GHR: variants seen among roughly 807,000 people sequenced by gnomAD.
GHR encodes the protein growth hormone receptor.
GHR carries 35 observed loss-of-function variants against 67.1 expected under a neutral mutation model. The observed-to-expected ratio is 0.52, with a 90% CI of 0.40 to 0.69. GHR has a LOEUF of 0.69. GHR is among the 30% of genes least tolerant of loss of function. The probability of loss-of-function intolerance (pLI) is 0.00; values close to 1 mark genes in which losing one functional copy is unlikely to be tolerated. For missense variants in GHR, 792 were observed against 764.6 expected (o/e 1.04, Z -0.42); for synonymous variants, 272 against 269.1 (o/e 1.01, Z -0.10).
intron 3 of GHR, among the ~76,000 whole-genome samples, chr5:42,647,472 G>A: frequency 6.6e-6 from 1 of 151,760 alleles, no homozygotes; most frequent in Non-Finnish European, 1.5e-5. Flanking sequence ...TACTCTGGAG[G>A]CTGAGGCAGG....
intron 1 of GHR, among the ~76,000 whole-genome samples, chr5:42,477,830 G>T (rs892648482): frequency 6.6e-6 from 1 of 152,076 alleles, no homozygotes; most frequent in Admixed American, 6.5e-5. Context: ...CCATTCTGTA[G>T]GTTGCCTGTT....
intron 2 of GHR, among the ~76,000 whole-genome samples, chr5:42,567,878 T>A (rs1000046926): frequency 6.6e-6 from 1 of 151,664 alleles, no homozygotes; most frequent in Non-Finnish European, 1.5e-5. Context: ...CTGCATAACA[T>A]GACATGGGTC....
At chr5:42,544,380 G>A (rs1335517045) in intron 1 of GHR, among the ~76,000 whole-genome samples, 1 of 152,156 alleles carries the variant, frequency 6.6e-6, no homozygotes, top group African/African-American at 2.4e-5. Context: ...ACATTTTGCT[G>A]ACAATTGTTA....
At chr5:42,451,137 TA>T (rs1234379771) in intron 1 of GHR, among the ~76,000 whole-genome samples, 1 of 152,194 alleles carries the variant, frequency 6.6e-6, no homozygotes, top group Non-Finnish European at 1.5e-5. Context: ...AAGTACCTAT[TA>T]AGTCAATTTG....
intron 2 of GHR, among the ~76,000 whole-genome samples, chr5:42,593,189 T>G (rs2112602216): frequency 6.6e-6 from 1 of 152,378 alleles, no homozygotes; most frequent in Admixed American, 6.5e-5. Flanking sequence ...CTTATCATTT[T>G]CTTGGATGCA....
At chr5:42,550,751 C>T (rs1454801984) in intron 1 of GHR, among the ~76,000 whole-genome samples, 1 of 152,032 alleles carries the variant, frequency 6.6e-6, no homozygotes, top group Admixed American at 6.6e-5. Flanking sequence ...TGTGGGAAGC[C>T]GAGTTCTGCC....
intron 1 of GHR, among the ~76,000 whole-genome samples, chr5:42,544,624 G>A (rs796690876): frequency 3.9e-5 from 6 of 152,216 alleles, no homozygotes; most frequent in African/African-American, 1.2e-4. Context: ...AACTAGAAGC[G>A]ATCTATATCA....
chr5:42,487,465 C>T (rs1245022676), intron 1 of GHR, among the ~76,000 whole-genome samples: 1 of 152,160 alleles, frequency 6.6e-6, no homozygotes, highest in East Asian at 1.9e-4. Context: ...AAAGATTATA[C>T]TTAGCTGTCA....
intron 8 of GHR, among the ~76,000 whole-genome samples, chr5:42,715,680 T>C (rs1031851483): frequency 1.3e-5 from 2 of 152,218 alleles, no homozygotes; most frequent in Admixed American, 6.5e-5. Flanking sequence ...CATATTTTGT[T>C]ATTTTATTTT....
At position 42,699,856 on chromosome 5, in the gene GHR, A is replaced by T. The variant is rs1219884219; in HGVS notation, c.472A>T (p.Thr158Ser). ...AGATCCACCCATTGCCCTCAACTGG[A>T]CTTTACTGAACGTCAGTTTAACTGG... ...QPDPPIALNW[T>S]LLNVSLTGIH... The change falls in exon 6 of 10, where the codon ACT becomes TCT. Residue 158 changes from threonine to serine, a missense_variant. Transcript: ENST00000230882. 6.2e-7 allele frequency: 1 copy of T among 1,611,612 alleles called. No individual in the cohort carries two copies. Among genetic ancestry groups the T allele is most frequent in the Non-Finnish European group, 8.5e-7 (1 of 1,177,788 alleles).
intron 2 of GHR, among the ~76,000 whole-genome samples, chr5:42,578,058 C>CA (rs1750861242): frequency 6.6e-6 from 1 of 152,130 alleles, no homozygotes; most frequent in Admixed American, 6.6e-5. Context: ...TCAACCTTGG[C>CA]ACTATTGAGA....
At chr5:42,643,182 G>T (rs757301849) in intron 3 of GHR, among the ~76,000 whole-genome samples, 3 of 152,174 alleles carry the variant, frequency 2.0e-5, no homozygotes, top group African/African-American at 7.2e-5. Flanking sequence ...TATAAAGAAT[G>T]TTGGCTTAAC....
chr5:42,513,762 A>G lies in GHR; in HGVS notation c.-11-52102A>G, dbSNP rs1747123686. ...GCGCCATTGCACTCCAGTCTGGGCA[A>G]CAAAAGCAAAACTCCGTCTCAAAAA... On this transcript the variant is annotated intron_variant, in intron 1 of 9. Coordinates refer to ENST00000230882, the MANE Select transcript of GHR (RefSeq NM_000163.5). Among the ~76,000 whole-genome samples the G allele has an allele frequency of 2.0e-5, 3 of 152,098 alleles. No individual in the cohort carries two copies. In the South Asian group the frequency reaches 6.2e-4, roughly 32 times the overall value.
intron 3 of GHR, among the ~76,000 whole-genome samples, chr5:42,676,920 C>G (rs1258501429): frequency 2.6e-5 from 4 of 152,076 alleles, no homozygotes; most frequent in African/African-American, 9.7e-5. Flanking sequence ...GGGTTCCTTC[C>G]TCTCAACCTA....
chr5:42,489,600 G>T (rs1746026970), intron 1 of GHR, among the ~76,000 whole-genome samples: 2 of 152,256 alleles, frequency 1.3e-5, no homozygotes, highest in South Asian at 4.1e-4. Flanking sequence ...GAATTTTTAA[G>T]TTATTATCAT....
At chr5:42,448,889 G>A (rs1390812382) in intron 1 of GHR, among the ~76,000 whole-genome samples, 1 of 152,012 alleles carries the variant, frequency 6.6e-6, no homozygotes, top group African/African-American at 2.4e-5. Flanking sequence ...GTTGACTAGG[G>A]TGTCCTTTCC....
chr5:42,423,991 T>G (rs1276766042), intron 1 of GHR, 36 bp downstream of exon 1: 1 of 153,888 alleles, frequency 6.5e-6, no homozygotes, highest in Non-Finnish European at 1.5e-5. Context: ...TGGCTTTATT[T>G]TCCTCCTGTT....
chr5:42,586,587 A>G (rs1751487869), intron 2 of GHR, among the ~76,000 whole-genome samples: 1 of 152,220 alleles, frequency 6.6e-6, no homozygotes, highest in Non-Finnish European at 1.5e-5. Context: ...TGTCTTATTT[A>G]ATTAATTGTT....
intron 2 of GHR, among the ~76,000 whole-genome samples, chr5:42,617,143 A>G (rs767810905): frequency 2.0e-5 from 3 of 151,892 alleles, no homozygotes; most frequent in Non-Finnish European, 4.4e-5. Flanking sequence ...TGTTCTTTAG[A>G]AAGAGAAATG....
Sources: gnomAD v4.1 joint callset for allele counts (sites outside exome capture counted in the v4.1 genomes callset) on GRCh38, gnomAD v4.1.1 for gene constraint, MANE v1.5 for transcripts, NCBI Gene and HGNC (gene_info 2026-07-23, HGNC 2026-07-21) for gene names.